The following NRXN3 variants were observed in gnomAD, a reference collection of about 807,000 sequenced individuals.
The protein encoded by NRXN3 is neurexin 3.
NRXN3 carries 32 observed loss-of-function variants against 137.6 expected under a neutral mutation model. That is an observed-to-expected ratio of 0.23 (90% CI 0.18 to 0.31). The LOEUF is 0.31. NRXN3 is among the 10% of genes least tolerant of loss of function. The probability of loss-of-function intolerance (pLI) is 1.00; values close to 1 mark genes in which losing one functional copy is unlikely to be tolerated. For missense variants in NRXN3, 1,574 were observed against 2,062.5 expected (o/e 0.76, Z 4.59); for synonymous variants, 798 against 784.5 (o/e 1.02, Z -0.29).
intron 20 of NRXN3, among the ~76,000 whole-genome samples, chr14:79,832,062 G>T (rs1451739534): frequency 6.6e-6 from 1 of 152,172 alleles, no homozygotes; most frequent in East Asian, 1.9e-4. Flanking sequence ...ATAAAATGGT[G>T]CAGTGTGTAC....
intron 4 of NRXN3, among the ~76,000 whole-genome samples, chr14:78,454,441 T>A (rs2094630793): frequency 6.6e-6 from 1 of 152,212 alleles, no homozygotes; most frequent in Non-Finnish European, 1.5e-5. Context: ...TGTTTTCAAA[T>A]ATACCCATCA....
chr14:79,675,335 A>T (rs893112354), intron 17 of NRXN3, among the ~76,000 whole-genome samples: 1 of 152,090 alleles, frequency 6.6e-6, no homozygotes, highest in African/African-American at 2.4e-5. Flanking sequence ...TGTTGCAGTT[A>T]TTCCAGTCTG....
At chr14:78,281,257 G>A (rs1882808) in intron 3 of NRXN3, among the ~76,000 whole-genome samples, 65,813 of 151,892 alleles carry the variant, frequency 0.43, 14,351 homozygotes, top group Middle Eastern at 0.46. Flanking sequence ...TTCTGGAGCC[G>A]ACAGCGCTGT....
chr14:79,051,031 T>C (rs1470033191), intron 15 of NRXN3, among the ~76,000 whole-genome samples: 1 of 152,210 alleles, frequency 6.6e-6, no homozygotes, highest in Non-Finnish European at 1.5e-5. Flanking sequence ...GGGGATACTA[T>C]TGTTATCCTC....
rs759930376 is a variant in NRXN3 at position 78,645,334 on chromosome 14, G to A, written c.972G>A (p.Gly324=). 1 of 1,598,772 alleles carries A rather than the reference G, an allele frequency of 6.3e-7. No homozygotes were observed. Among genetic ancestry groups the A allele is most frequent in the East Asian group, 2.2e-5 (1 of 44,862 alleles). Residue 324 remains glycine, a synonymous_variant, in exon 5 of 21, where the codon GGG becomes GGA. Transcript: ENST00000335750. Reference sequence around the variant, plus strand: ...CCTTGGTCATTAACCTGGGGTCCGGGGCCTTTGAGGCCATTGTGGAGCCAG... The same window carrying A: ...CCTTGGTCATTAACCTGGGGTCCGGAGCCTTTGAGGCCATTGTGGAGCCAG... The part of the protein sequence containing the change: ...AVSLVINLGS[G]AFEAIVEPVN...
At chr14:79,140,954 T>C (rs1051701642) in intron 15 of NRXN3, among the ~76,000 whole-genome samples, 22 of 152,298 alleles carry the variant, frequency 1.4e-4, no homozygotes, top group Non-Finnish European at 1.9e-4. Context: ...AATGTATATA[T>C]ATTTTGTATA....
rs2099417964 is a variant in NRXN3 at position 79,866,044 on chromosome 14, A to G, written c.*4080A>G. ...ACACTTATGTACAAGCTAGTCTACT[A>G]TTGGCTATTGTTACTTTGTTTCAAT... On this transcript the variant is annotated 3_prime_UTR_variant, in exon 21 of 21. Transcript: ENST00000335750. 6.6e-6 allele frequency: 1 copy of G among 152,134 alleles called. No individual in the cohort carries two copies. The highest frequency in any genetic ancestry group is 2.4e-5 in the African/African-American group (1 of 41,434). The allele number at this position is 152,134 out of a possible 1,614,324, so 9.4% of individuals were successfully genotyped here.
At chr14:79,004,609 A>T (rs2099548557) in intron 15 of NRXN3, among the ~76,000 whole-genome samples, 1 of 152,300 alleles carries the variant, frequency 6.6e-6, no homozygotes, top group South Asian at 2.1e-4. Flanking sequence ...AGGAATGAAC[A>T]AGTAATTACC....
chr14:78,711,266 C>A (rs78267524), intron 7 of NRXN3, among the ~76,000 whole-genome samples: 613 of 151,974 alleles, frequency 4.0e-3, no homozygotes, highest in Non-Finnish European at 6.3e-3. Context: ...GCCATTTGTT[C>A]ATTTCTGTCT....
At chr14:79,217,462 C>CA (rs1328130146) in intron 15 of NRXN3, among the ~76,000 whole-genome samples, 2 of 152,128 alleles carry the variant, frequency 1.3e-5, no homozygotes, top group Admixed American at 1.3e-4. Context: ...CCATCTCCAA[C>CA]ATAATGGATT....
intron 16 of NRXN3, among the ~76,000 whole-genome samples, chr14:79,621,569 T>A (rs886403315): frequency 6.6e-6 from 1 of 152,188 alleles, no homozygotes; most frequent in African/African-American, 2.4e-5. Flanking sequence ...TGTTCTTGAC[T>A]CAAACCTGAA....
intron 4 of NRXN3, among the ~76,000 whole-genome samples, chr14:78,444,517 C>T (rs1018239590): frequency 6.6e-6 from 1 of 152,152 alleles, no homozygotes; most frequent in African/African-American, 2.4e-5. Context: ...CCCAGTCATT[C>T]AGCTCTCAGG....
chr14:78,859,541 T>G (rs1183465898), intron 10 of NRXN3, among the ~76,000 whole-genome samples: 1 of 152,072 alleles, frequency 6.6e-6, no homozygotes, highest in Non-Finnish European at 1.5e-5. Context: ...CAGCAAAAAA[T>G]GGGATCCCTT....
intron 15 of NRXN3, among the ~76,000 whole-genome samples, chr14:79,237,362 G>C (rs2073560029): frequency 6.6e-6 from 1 of 152,078 alleles, no homozygotes; most frequent in African/African-American, 2.4e-5. Flanking sequence ...GGAGATGATG[G>C]CTAGCTGGGG....
chr14:79,670,806 G>A (rs1371056319), intron 17 of NRXN3, among the ~76,000 whole-genome samples: 1 of 152,022 alleles, frequency 6.6e-6, no homozygotes, highest in Non-Finnish European at 1.5e-5. Context: ...GTATTGTCTG[G>A]ATTATCTACC....
intron 10 of NRXN3, among the ~76,000 whole-genome samples, chr14:78,935,339 C>T (rs1287278549): frequency 6.6e-6 from 1 of 152,156 alleles, no homozygotes; most frequent in Non-Finnish European, 1.5e-5. Context: ...TCCAGGTCCA[C>T]ATTTCTGAGT....
intron 4 of NRXN3, among the ~76,000 whole-genome samples, chr14:78,387,848 C>T (rs909610367): frequency 1.3e-5 from 2 of 152,090 alleles, no homozygotes; most frequent in African/African-American, 4.8e-5. Context: ...AGTATTTGGC[C>T]TGGCAAGTAA....
chr14:78,303,818 C>G (rs2077103281), intron 4 of NRXN3, among the ~76,000 whole-genome samples: 1 of 152,070 alleles, frequency 6.6e-6, no homozygotes. Context: ...TTATAAGGTA[C>G]CTATGCCAAA....
chr14:79,697,972 T>C, intron 19 of NRXN3, 35 bp downstream of exon 19: 1 of 1,563,934 alleles, frequency 6.4e-7, no homozygotes, highest in Non-Finnish European at 8.8e-7. Flanking sequence ...TGCGTCTGTA[T>C]TTTTATCTTT....
Sources: allele counts gnomAD v4.1 joint callset (sites outside exome capture counted in the v4.1 genomes callset), GRCh38; gene constraint gnomAD v4.1.1; transcripts MANE v1.5; gene names NCBI Gene and HGNC (gene_info 2026-07-23, HGNC 2026-07-21).